The following DPYSL5 variants were observed in gnomAD, a reference collection of about 807,000 sequenced individuals.
The protein encoded by DPYSL5 is dihydropyrimidinase-related protein 5.
A neutral mutation model predicts 58.4 loss-of-function variants in DPYSL5; 9 were observed. That is an observed-to-expected ratio of 0.15 (90% CI 0.09 to 0.27). The LOEUF (loss-of-function observed/expected upper bound fraction) is 0.27. Among genes scored for constraint, DPYSL5 ranks in the 10% least tolerant of loss-of-function variants. The probability of loss-of-function intolerance (pLI) is 1.00; values close to 1 mark genes in which losing one functional copy is unlikely to be tolerated. For synonymous variants in DPYSL5, 293 were observed against 301.9 expected (o/e 0.97, Z 0.31); for missense variants, 499 against 770.6 (o/e 0.65, Z 4.17).
intron 1 of DPYSL5, among the ~76,000 whole-genome samples, chr2:26,896,080 T>G (rs1664013713): frequency 1.3e-5 from 2 of 152,120 alleles, no homozygotes; most frequent in African/African-American, 4.8e-5. Flanking sequence ...ACCCAGCCTC[T>G]GTTCTCTATT....
At chr2:26,932,323 C>T (rs113074924) in intron 6 of DPYSL5, among the ~76,000 whole-genome samples, 66 of 152,296 alleles carry the variant, frequency 4.3e-4, no homozygotes, top group Non-Finnish European at 6.9e-4. Context: ...GCTGACTGAG[C>T]GCTGTCATGC....
chr2:26,897,103 A>G (rs1011470871), intron 1 of DPYSL5, among the ~76,000 whole-genome samples: 9 of 152,166 alleles, frequency 5.9e-5, no homozygotes, highest in African/African-American at 2.2e-4. Context: ...GTAGATCATC[A>G]TGTCATCTGC....
At chr2:26,939,945 A>G (rs1426917169) in intron 8 of DPYSL5, 86 bp from the exon 9 acceptor site, 30 of 1,563,288 alleles carry the variant, frequency 1.9e-5, no homozygotes, top group Non-Finnish European at 2.5e-5. Context: ...TGCTTCCCAC[A>G]CGGAGGATTT....
At chr2:26,875,144 C>G (rs148141473) in intron 1 of DPYSL5, among the ~76,000 whole-genome samples, 1 of 152,096 alleles carries the variant, frequency 6.6e-6, no homozygotes. Context: ...AGAAAAGCAA[C>G]GGATCACTTG....
In DPYSL5 at chr2:26,849,053, G is replaced by A. The variant is rs1020036458; in HGVS notation, c.-5+799G>A. On this transcript the variant is annotated intron_variant, in intron 1 of 12. Transcript: ENST00000288699. This position sits in a 1 kb window ranked among gnomAD's most constrained non-coding sequence, Gnocchi z 6.2. ...GGGAGGCCTCGGTTGAGAAAAGATG[G>A]GGATGGGGAAGGCTGGGGAGCTGGG... Among the ~76,000 whole-genome samples the A allele has an allele frequency of 6.6e-6, 1 of 152,040 alleles. No individual in the cohort carries two copies.
chr2:26,932,433 G>C (rs946508497), intron 6 of DPYSL5, among the ~76,000 whole-genome samples: 3 of 152,194 alleles, frequency 2.0e-5, no homozygotes, highest in South Asian at 2.1e-4. Flanking sequence ...ACTCAGTCCA[G>C]CTCCTAAACT....
chr2:26,924,861 G>A lies in DPYSL5; in HGVS notation c.262-26G>A, dbSNP rs530884165. 2.1e-5 allele frequency: 34 copies of A among 1,608,416 alleles called. No individual in the cohort carries two copies. The highest frequency in any genetic ancestry group is 1.3e-4 in the Admixed American group (8 of 59,634). ...ACTCGGGGGCAGGCAGGGCTGTGAC[G>A]AGACTGCCTTTTCCCGTCTTCCCAG... On this transcript the variant is annotated intron_variant, in intron 2 of 12. Coordinates refer to ENST00000288699, the MANE Select transcript of DPYSL5 (RefSeq NM_020134.4). The surrounding 1 kb of genome is among the most constrained non-coding windows in gnomAD (Gnocchi z 4.7).
chr2:26,849,317 G>A lies in DPYSL5; in HGVS notation c.-5+1063G>A, dbSNP rs930897492. ...AAGACCCGCGCTGTGCGGGGGAGGGGGGCCTCCTGGGAAGGGGAGCCTCCC... is the reference window on the plus strand; with the variant it reads ...AAGACCCGCGCTGTGCGGGGGAGGGAGGCCTCCTGGGAAGGGGAGCCTCCC... On this transcript the variant is annotated intron_variant, in intron 1 of 12. Transcript: ENST00000288699. The surrounding 1 kb of genome is among the most constrained non-coding windows in gnomAD (Gnocchi z 6.2). 7.2e-5 allele frequency among the ~76,000 whole-genome samples: 11 copies of A among 151,784 alleles called. No homozygotes were observed. Among genetic ancestry groups the A allele is most frequent in the African/African-American group, 2.7e-4 (11 of 41,332 alleles).
chr2:26,915,118 G>T (rs1379707154), intron 2 of DPYSL5, among the ~76,000 whole-genome samples: 1 of 151,954 alleles, frequency 6.6e-6, no homozygotes, highest in Non-Finnish European at 1.5e-5. Context: ...ATTTACAGCT[G>T]CAGCCCAGCC....
intron 2 of DPYSL5, among the ~76,000 whole-genome samples, chr2:26,906,612 T>A (rs891881434): frequency 6.6e-6 from 1 of 152,190 alleles, no homozygotes; most frequent in African/African-American, 2.4e-5. Context: ...CTCAGTGAGA[T>A]GCAGTTATAC....
chr2:26,870,085 C>T (rs994722534), intron 1 of DPYSL5, among the ~76,000 whole-genome samples: 1 of 152,142 alleles, frequency 6.6e-6, no homozygotes, highest in Non-Finnish European at 1.5e-5. Flanking sequence ...TATCTTACTG[C>T]GTTTTCTGGC....
chr2:26,854,406 C>G (rs1036711330), intron 1 of DPYSL5, among the ~76,000 whole-genome samples: 1 of 152,108 alleles, frequency 6.6e-6, no homozygotes, highest in Non-Finnish European at 1.5e-5. Flanking sequence ...TTGCAGTGAG[C>G]CAAGATCACA....
rs374167213 is a variant in DPYSL5 at position 26,928,775 on chromosome 2, G to GTA, written c.669+455_669+456dup. ...TACGTGTGTGCGTGTGTGTGTGTGTGTATAGCATCATTTTCTCCACGGGTG... is the reference window on the plus strand; with the variant it reads ...TACGTGTGTGCGTGTGTGTGTGTGTGTATATAGCATCATTTTCTCCACGGGTG... On this transcript the variant is annotated intron_variant, in intron 5 of 12. Coordinates refer to ENST00000288699, the MANE Select transcript of DPYSL5 (RefSeq NM_020134.4). 1.1e-4 allele frequency among the ~76,000 whole-genome samples: 8 copies of GTA among 73,280 alleles called. 3 individuals are homozygous for GTA. Among genetic ancestry groups the GTA allele is most frequent in the Non-Finnish European group, 2.1e-4 (7 of 32,774 alleles). 48.1% of individuals were successfully genotyped at this position (73,280 alleles called of 152,430 possible).
chr2:26,932,153 A>AAGAC (rs1254890590), intron 6 of DPYSL5, among the ~76,000 whole-genome samples: 19 of 53,452 alleles, frequency 3.6e-4, no homozygotes, highest in African/African-American at 1.3e-3. Flanking sequence ...GAAAGAAAGA[A>AAGAC]AGAAAGAAAG....
chr2:26,927,993 G>T lies in DPYSL5; in HGVS notation c.601-262G>T, dbSNP rs1222617463. Among the ~76,000 whole-genome samples the T allele has an allele frequency of 1.3e-5, 2 of 152,202 alleles. No individual in the cohort carries two copies. The highest frequency in any genetic ancestry group is 4.8e-5 in the African/African-American group (2 of 41,452). On this transcript the variant is annotated intron_variant, in intron 4 of 12. Transcript: ENST00000288699. The surrounding 1 kb of genome is among the most constrained non-coding windows in gnomAD (Gnocchi z 4.3). Reference sequence around the variant, plus strand: ...TTGTCTTTGGTGTCCCAGGCCTGTTGCTAGTTATAATACTTAACTGTATTT... The same window carrying T: ...TTGTCTTTGGTGTCCCAGGCCTGTTTCTAGTTATAATACTTAACTGTATTT...
chr2:26,867,470 T>G (rs1056644517), intron 1 of DPYSL5, among the ~76,000 whole-genome samples: 7 of 149,996 alleles, frequency 4.7e-5, no homozygotes, highest in Non-Finnish European at 7.4e-5. Flanking sequence ...TTTTTTTTTT[T>G]TTTGAGACGG....
intron 1 of DPYSL5, among the ~76,000 whole-genome samples, chr2:26,854,667 T>C (rs960070558): frequency 2.0e-5 from 3 of 152,226 alleles, no homozygotes; most frequent in African/African-American, 7.2e-5. Context: ...CTCGTCCAGG[T>C]GGCTTCTAGC....
chr2:26,931,152 A>AAT (rs1553320830), intron 5 of DPYSL5, among the ~76,000 whole-genome samples: 330 of 48,684 alleles, frequency 6.8e-3, no homozygotes, highest in African/African-American at 0.021. Context: ...AAAAAAAAAA[A>AAT]ATATATATAT....
Position 26,927,143 on chromosome 2 carries a change from A to C in DPYSL5, c.421-110A>C. 8.4e-7 allele frequency: 1 copy of C among 1,191,540 alleles called. No homozygotes were observed. The highest frequency in any genetic ancestry group is 1.2e-6 in the Non-Finnish European group (1 of 858,846). 73.8% of individuals were successfully genotyped at this position (1,191,540 alleles called of 1,614,324 possible). On this transcript the variant is annotated intron_variant, in intron 3 of 12. Transcript: ENST00000288699. This position sits in a 1 kb window ranked among gnomAD's most constrained non-coding sequence, Gnocchi z 4.3. The stretch of plus-strand genomic sequence containing the variant: ...AGAGAGGTGTGGGGGGTCAACCGAC[A>C]GACTGAGCTGGGGCAGGCCCCACAT...
Sources: gnomAD v4.1 joint callset for allele counts (sites outside exome capture counted in the v4.1 genomes callset) on GRCh38, gnomAD v4.1.1 for gene constraint, Gnocchi (gnomAD v3.1) non-coding constraint, MANE v1.5 for transcripts, NCBI Gene and HGNC (gene_info 2026-07-23, HGNC 2026-07-21) for gene names.